Variants in LRRC37A2 observed in about 807,000 individuals in gnomAD.
The protein encoded by LRRC37A2 is leucine-rich repeat-containing protein 37A2.
LRRC37A2 carries 9 observed loss-of-function variants against 68.8 expected under a neutral mutation model. The ratio of observed to expected loss-of-function variants is 0.13; its 90% CI spans 0.08 to 0.23. The LOEUF is 0.23. Ranked by LOEUF, LRRC37A2 falls within the 10% of genes least tolerant of loss-of-function variation. The probability of loss-of-function intolerance (pLI) is 1.00; values close to 1 mark genes in which losing one functional copy is unlikely to be tolerated. For synonymous variants in LRRC37A2, 63 were observed against 367.6 expected, an observed-to-expected ratio of 0.17 and a Z score of 9.48; for missense variants, 168 against 950.4, an observed-to-expected ratio of 0.18 and a Z score of 10.82.
chr17:46,895,444 G>C, the LRRC37A2 span, among the ~76,000 whole-genome samples: 1 of 152,098 alleles, frequency 6.6e-6, no homozygotes, highest in Non-Finnish European at 1.5e-5. Flanking sequence ...CACCCGTGAG[G>C]TGGGGTCAGT....
chr17:46,532,226 AAAC>A lies in LRRC37A2; in HGVS notation c.2907-7944_2907-7942del, dbSNP rs1340639509. 5.3e-4 allele frequency among the ~76,000 whole-genome samples: 79 copies of A among 148,658 alleles called. 1 individual carries two copies. Among genetic ancestry groups the A allele is most frequent in the Admixed American group, 1.3e-3 (19 of 15,086 alleles). ...TAAATGAAAACTTTTTCACTCAAAA[AAAC>A]AACAATTGTAGTGAAACCATAGATC... On this transcript the variant is annotated intron_variant, in intron 6 of 14. Transcript: ENST00000576629.
At chr17:46,781,358 A>G in the LRRC37A2 span, among the ~76,000 whole-genome samples, 1 of 152,102 alleles carries the variant, frequency 6.6e-6, no homozygotes, top group African/African-American at 2.4e-5. Context: ...TTTCACTTAC[A>G]TGAGGTTCTA....
At chr17:46,804,306 C>T in the LRRC37A2 span, among the ~76,000 whole-genome samples, 7 of 152,170 alleles carry the variant, frequency 4.6e-5, no homozygotes, top group Admixed American at 2.0e-4. Flanking sequence ...CAGGCTGGTT[C>T]GAACTCCTGA....
chr17:46,777,182 C>T, the LRRC37A2 span, among the ~76,000 whole-genome samples: 1 of 152,118 alleles, frequency 6.6e-6, no homozygotes, highest in Non-Finnish European at 1.5e-5. Flanking sequence ...TGCACTCCAG[C>T]TTGGGCGACA....
the LRRC37A2 span, among the ~76,000 whole-genome samples, chr17:46,969,326 C>T: frequency 6.6e-5 from 10 of 152,316 alleles, no homozygotes; most frequent in Admixed American, 3.3e-4. Flanking sequence ...CACTGAGAGC[C>T]GGGCAGGGAG....
the LRRC37A2 span, chr17:46,818,580 G>A: frequency 3.9e-4 from 629 of 1,603,672 alleles, 2 homozygotes; most frequent in African/African-American, 7.5e-3. Context: ...GGAGCAGCCC[G>A]AGCAGGTGGG....
the LRRC37A2 span, among the ~76,000 whole-genome samples, chr17:46,731,374 G>A: frequency 1.4e-4 from 21 of 152,086 alleles, no homozygotes; most frequent in Non-Finnish European, 2.4e-4. Context: ...TAATGGGTAT[G>A]GGGTTTCTTT....
the LRRC37A2 span, among the ~76,000 whole-genome samples, chr17:46,761,320 G>T: frequency 0.1 from 15,136 of 148,686 alleles, 2,055 homozygotes; most frequent in African/African-American, 0.31. Flanking sequence ...TATTTTCCTG[G>T]TTTTTTTTTG....
the LRRC37A2 span, among the ~76,000 whole-genome samples, chr17:46,797,322 T>G: frequency 6.6e-6 from 1 of 152,108 alleles, no homozygotes; most frequent in African/African-American, 2.4e-5. Context: ...AGAGTGGAAG[T>G]GAGGCTGAGA....
At chr17:46,899,401 T>C in the LRRC37A2 span, among the ~76,000 whole-genome samples, 2 of 151,932 alleles carry the variant, frequency 1.3e-5, 1 homozygote, top group South Asian at 4.2e-4. Context: ...CGAGACCCTG[T>C]CTCAAAACAA....
the LRRC37A2 span, among the ~76,000 whole-genome samples, chr17:46,889,210 G>A: frequency 2.0e-5 from 3 of 152,156 alleles, no homozygotes; most frequent in Non-Finnish European, 2.9e-5. Flanking sequence ...ATGGTCAGGA[G>A]TTGACTATAT....
the LRRC37A2 span, among the ~76,000 whole-genome samples, chr17:46,801,038 A>G: frequency 6.6e-6 from 1 of 152,226 alleles, no homozygotes; most frequent in African/African-American, 2.4e-5. Flanking sequence ...CTCACTGAGT[A>G]CACACCTGAC....
chr17:46,877,083 T>G, the LRRC37A2 span: 1 of 1,061,906 alleles, frequency 9.4e-7, no homozygotes, highest in Non-Finnish European at 1.1e-6. Context: ...ATGAATGGCT[T>G]GGAGCCAGCA....
the LRRC37A2 span, among the ~76,000 whole-genome samples, chr17:46,850,702 C>T: frequency 6.6e-6 from 1 of 152,238 alleles, no homozygotes; most frequent in Non-Finnish European, 1.5e-5. Flanking sequence ...GCTTTGATCT[C>T]TGCACCTTCG....
the LRRC37A2 span, among the ~76,000 whole-genome samples, chr17:47,000,024 A>AATAAAAT: frequency 7.2e-5 from 1 of 13,946 alleles, no homozygotes; most frequent in Non-Finnish European, 2.8e-4. Flanking sequence ...AAAATAAAAT[A>AATAAAAT]AAATAAAATA....
the LRRC37A2 span, among the ~76,000 whole-genome samples, chr17:46,679,415 GA>G: frequency 7.5e-6 from 1 of 133,722 alleles, no homozygotes; most frequent in Non-Finnish European, 1.6e-5. Context: ...CTAAAATATG[GA>G]AAAAAACGTT....
At chr17:46,958,202 G>A in the LRRC37A2 span, among the ~76,000 whole-genome samples, 1 of 152,208 alleles carries the variant, frequency 6.6e-6, no homozygotes, top group Non-Finnish European at 1.5e-5. Context: ...GTTTGGTCAG[G>A]CCAACCAACT....
the LRRC37A2 span, among the ~76,000 whole-genome samples, chr17:46,744,935 T>C: frequency 6.6e-6 from 1 of 152,270 alleles, no homozygotes; most frequent in East Asian, 1.9e-4. Flanking sequence ...GATTGGCAGA[T>C]AGTCATTTTA....
At chr17:46,863,996 G>A in the LRRC37A2 span, among the ~76,000 whole-genome samples, 6 of 152,206 alleles carry the variant, frequency 3.9e-5, no homozygotes, top group South Asian at 1.0e-3. Context: ...CTGCAGCATG[G>A]GACATCTCTG....
Sources: allele counts gnomAD v4.1 joint callset (sites outside exome capture counted in the v4.1 genomes callset), GRCh38; gene constraint gnomAD v4.1.1; transcripts MANE v1.5; gene names NCBI Gene and HGNC (gene_info 2026-07-23, HGNC 2026-07-21).